LDLRAD3: variants seen among roughly 807,000 people sequenced by gnomAD.
LDLRAD3 encodes the protein low-density lipoprotein receptor class A domain-containing protein 3.
LDLRAD3 carries 20 observed loss-of-function variants against 29.4 expected under a neutral mutation model. The ratio of observed to expected loss-of-function variants is 0.68; its 90% CI spans 0.48 to 0.99. The LOEUF (loss-of-function observed/expected upper bound fraction) is 0.99, where lower values mean the gene tolerates loss of function less well. Among genes scored for constraint, LDLRAD3 ranks in the 50% least tolerant of loss-of-function variants. The pLI, the probability that LDLRAD3 is intolerant of heterozygous loss-of-function variation, is 0.00. For missense variants in LDLRAD3, 420 were observed against 454.3 expected (o/e 0.92, Z 0.69); for synonymous variants, 157 against 192.7 (o/e 0.81, Z 1.53).
At chr11:36,177,807 C>T (rs751744070) in intron 4 of LDLRAD3, among the ~76,000 whole-genome samples, 20 of 152,170 alleles carry the variant, frequency 1.3e-4, no homozygotes, top group Non-Finnish European at 2.5e-4. Context: ...CTTGTGCTCC[C>T]GATTGGTTGG....
At chr11:36,141,982 A>G (rs1244686427) in intron 4 of LDLRAD3, among the ~76,000 whole-genome samples, 2 of 152,186 alleles carry the variant, frequency 1.3e-5, no homozygotes, top group African/African-American at 4.8e-5. Context: ...CCTTAACCAT[A>G]CAATTGGGAC....
chr11:36,026,236 C>A (rs905914908), intron 1 of LDLRAD3, among the ~76,000 whole-genome samples: 2 of 152,200 alleles, frequency 1.3e-5, no homozygotes, highest in African/African-American at 4.8e-5. Flanking sequence ...GATGTAAACC[C>A]TAGTTCATTT....
chr11:35,954,286 G>A (rs1851174104), intron 1 of LDLRAD3, among the ~76,000 whole-genome samples: 1 of 152,194 alleles, frequency 6.6e-6, no homozygotes, highest in African/African-American at 2.4e-5. Flanking sequence ...ACACTGCCCA[G>A]AATTGAAGGG....
At chr11:36,015,675 G>A (rs1565163268) in intron 1 of LDLRAD3, among the ~76,000 whole-genome samples, 1 of 149,226 alleles carries the variant, frequency 6.7e-6, no homozygotes, top group East Asian at 2.0e-4. Flanking sequence ...CCCCGCCACT[G>A]TTCTGACTTC....
At chr11:36,227,048 ACC>A in intron 4 of LDLRAD3, 35 bp from the exon 5 acceptor site, 1 of 1,441,438 alleles carries the variant, frequency 6.9e-7, no homozygotes, top group South Asian at 1.3e-5. Flanking sequence ...CAAACTGGTA[ACC>A]TTCTCTCTTT....
rs1855315651 is a variant in LDLRAD3, at chr11:36,213,796, T to A, written c.455-13289T>A. On this transcript the variant is annotated intron_variant, in intron 4 of 5. Transcript: ENST00000315571. This position sits in a 1 kb window ranked among gnomAD's most constrained non-coding sequence, Gnocchi z 4.1. ...ATCGCATCACAGCTTGGAGGCTCTG[T>A]GCCCCTGTGAATCCCAACTGTTCTC... Among the ~76,000 whole-genome samples the A allele has an allele frequency of 6.6e-6, 1 of 152,176 alleles. No individual in the cohort carries two copies.
At chr11:36,093,501 C>T (rs758203716) in intron 3 of LDLRAD3, among the ~76,000 whole-genome samples, 1 of 151,898 alleles carries the variant, frequency 6.6e-6, no homozygotes, top group Non-Finnish European at 1.5e-5. Flanking sequence ...GGGGTAACTT[C>T]ATATTAACGT....
At chr11:36,105,806 A>G (rs1455732091) in intron 4 of LDLRAD3, among the ~76,000 whole-genome samples, 1 of 152,170 alleles carries the variant, frequency 6.6e-6, no homozygotes, top group African/African-American at 2.4e-5. Context: ...ACGAGGAGAC[A>G]ATACATTTCT....
At chr11:36,033,779 G>A (rs1852270235) in intron 1 of LDLRAD3, among the ~76,000 whole-genome samples, 1 of 152,150 alleles carries the variant, frequency 6.6e-6, no homozygotes, top group Admixed American at 6.5e-5. Context: ...GCCTGGAGAT[G>A]GTGAATTGGT....
intron 1 of LDLRAD3, among the ~76,000 whole-genome samples, chr11:35,961,472 T>G (rs1565126277): frequency 6.6e-6 from 1 of 152,204 alleles, no homozygotes. Context: ...AATAGCAGCC[T>G]CACAGCATTC....
chr11:36,007,256 A>G (rs970321992), intron 1 of LDLRAD3, among the ~76,000 whole-genome samples: 2 of 152,202 alleles, frequency 1.3e-5, no homozygotes, highest in African/African-American at 4.8e-5. Flanking sequence ...AATTCGCAGG[A>G]ATGTGTGTCA....
At chr11:36,202,134 TC>T (rs1277528419) in intron 4 of LDLRAD3, among the ~76,000 whole-genome samples, 1 of 148,014 alleles carries the variant, frequency 6.8e-6, no homozygotes, top group Non-Finnish European at 1.5e-5. Context: ...AACCTCCACC[TC>T]CCAGGTTCAA....
chr11:36,140,299 A>G (rs1392854566), intron 4 of LDLRAD3, among the ~76,000 whole-genome samples: 1 of 152,184 alleles, frequency 6.6e-6, no homozygotes, highest in Non-Finnish European at 1.5e-5. Flanking sequence ...ACCAGAGAAT[A>G]CCTTGGCCTG....
chr11:36,200,648 G>A (rs1855113989), intron 4 of LDLRAD3, among the ~76,000 whole-genome samples: 1 of 152,192 alleles, frequency 6.6e-6, no homozygotes, highest in Non-Finnish European at 1.5e-5. Context: ...AGACAGTGTT[G>A]GCACCAAATG....
rs1852312328 is a variant in LDLRAD3, at chr11:36,036,920, G to T, written c.193+671G>T. On this transcript the variant is annotated intron_variant, in intron 2 of 5. Transcript: ENST00000315571. ...TGACGCCGAAACATGCATGAGATTTGGGTTGATGATCATCTACGAGAAAAG... is the reference window on the plus strand; with the variant it reads ...TGACGCCGAAACATGCATGAGATTTTGGTTGATGATCATCTACGAGAAAAG... Among the ~76,000 whole-genome samples, 2 of 152,054 alleles carry T rather than the reference G, an allele frequency of 1.3e-5. 1 individual carries two copies. The highest frequency in any genetic ancestry group is 4.2e-4 in the South Asian group (2 of 4,814).
chr11:36,077,496 C>G (rs1468624374), intron 2 of LDLRAD3, among the ~76,000 whole-genome samples: 1 of 152,212 alleles, frequency 6.6e-6, no homozygotes, highest in Admixed American at 6.5e-5. Flanking sequence ...CTGCCAAGGG[C>G]AAGCCAGTTG....
At chr11:36,123,059 T>C (rs948850870) in intron 4 of LDLRAD3, among the ~76,000 whole-genome samples, 1 of 152,186 alleles carries the variant, frequency 6.6e-6, no homozygotes, top group African/African-American at 2.4e-5. Flanking sequence ...TGATGGCACA[T>C]GCCTGTAGTC....
At chr11:36,125,852 G>A (rs78381494) in intron 4 of LDLRAD3, among the ~76,000 whole-genome samples, 5,909 of 152,222 alleles carry the variant, frequency 0.039, 236 homozygotes, top group African/African-American at 0.096. Context: ...GGGTGTGGCT[G>A]GTAGGCTCTA....
At chr11:36,008,979 C>T (rs1457983258) in intron 1 of LDLRAD3, among the ~76,000 whole-genome samples, 3 of 152,122 alleles carry the variant, frequency 2.0e-5, no homozygotes, top group African/African-American at 7.2e-5. Flanking sequence ...CTTTAATTGA[C>T]CATTCTCTTA....
Sources: allele counts gnomAD v4.1 joint callset (sites outside exome capture counted in the v4.1 genomes callset), GRCh38; gene constraint gnomAD v4.1.1; non-coding constraint Gnocchi (gnomAD v3.1); transcripts MANE v1.5; gene names NCBI Gene and HGNC (gene_info 2026-07-23, HGNC 2026-07-21).